Variants in DRP2 observed in about 807,000 individuals in gnomAD.
The protein encoded by DRP2 is dystrophin related protein 2.
In DRP2, 29 loss-of-function variants were observed where a neutral mutation model predicts 78.2. That is an observed-to-expected ratio of 0.37 (90% CI 0.28 to 0.51). DRP2 has a LOEUF of 0.51. Ranked by LOEUF, DRP2 falls within the 20% of genes least tolerant of loss-of-function variation. The pLI is 0.94. For missense variants in DRP2, 686 were observed against 770.6 expected (o/e 0.89, Z 1.30); for synonymous variants, 290 against 281.9 (o/e 1.03, Z -0.29).
chrX:101,255,338 TG>T (rs777201020), intron 20 of DRP2, 89 bp downstream of exon 20: 8 of 931,039 alleles, frequency 8.6e-6, no homozygotes, highest in East Asian at 3.1e-5. Flanking sequence ...CTCCAGGGAA[TG>T]GGGGTGTGTG....
chrX:101,247,022 A>C, intron 11 of DRP2, 68 bp from the exon 12 acceptor site: 1 of 1,034,571 alleles, frequency 9.7e-7, no homozygotes, highest in Non-Finnish European at 1.3e-6. Context: ...TGGGTGTAAA[A>C]TGGTATCTTG....
Position 101,255,258 on chromosome X carries a change from C to T in DRP2, c.2246+9C>T. ...TCCCCAGATGACAGCATGTGAGTTT[C>T]CACAGCTGCTTATTTGCCAGAAATA... On this transcript the variant is annotated intron_variant, in intron 20 of 23. Transcript: ENST00000395209. 2 of 1,206,831 alleles carry T rather than the reference C, an allele frequency of 1.7e-6. No individual in the cohort carries two copies. Among genetic ancestry groups the T allele is most frequent in the Non-Finnish European group, 1.1e-6 (1 of 891,483 alleles).
chrX:101,260,469 C>T, intron 23 of DRP2, 28 bp from the exon 24 acceptor site: 1 of 1,199,856 alleles, frequency 8.3e-7, no homozygotes, highest in Non-Finnish European at 1.1e-6. Context: ...CTCTAGTTCT[C>T]TTCTCAAATC....
At position 101,256,138 on chromosome X, in the gene DRP2, T is replaced by C; in HGVS notation, c.2267T>C (p.Leu756Pro). 8.3e-7 allele frequency: 1 copy of C among 1,199,413 alleles called. No individual in the cohort carries two copies. Among genetic ancestry groups the C allele is most frequent in the Non-Finnish European group, 1.1e-6 (1 of 890,239 alleles). ...DDSIDEDQYL[L>P]RHSSPITDRE... ...TGCAGAGACGAGGACCAGTACCTGCTGCGGCACTCCAGCCCCATCACAGAC... is the reference window on the plus strand; with the variant it reads ...TGCAGAGACGAGGACCAGTACCTGCCGCGGCACTCCAGCCCCATCACAGAC... Residue 756 changes from leucine (L) to proline (P), a missense_variant, in exon 21 of 24, where the codon CTG becomes CCG. Coordinates refer to ENST00000395209, the MANE Select transcript of DRP2 (RefSeq NM_001939.3).
chrX:101,258,214 G>T, intron 21 of DRP2, 95 bp from the exon 22 acceptor site: 1 of 755,863 alleles, frequency 1.3e-6, no homozygotes, highest in Non-Finnish European at 1.9e-6. Context: ...GAAGAGCACA[G>T]GGATTGTTCA....
intron 6 of DRP2, among the ~76,000 whole-genome samples, chrX:101,240,170 G>A (rs774650223): frequency 3.8e-4 from 43 of 112,815 alleles, no homozygotes; most frequent in African/African-American, 1.4e-3. Flanking sequence ...TAAAAAGTTA[G>A]GTGATGATTG....
rs1362757764 is a variant in DRP2 at position 101,245,464 on chromosome X, T to A, written c.1177+15T>A. On this transcript the variant is annotated intron_variant, in intron 11 of 23. Coordinates refer to ENST00000395209, the MANE Select transcript of DRP2 (RefSeq NM_001939.3). ...CCAAACCCTAGGTAAGAATGTGGGC[T>A]TCCTGTATAGGGTGGGCATATACAC... The A allele has an allele frequency of 8.4e-7, 1 of 1,183,989 alleles. No individual in the cohort carries two copies. Among genetic ancestry groups the A allele is most frequent in the Non-Finnish European group, 1.1e-6 (1 of 877,855 alleles).
At chrX:101,246,190 C>T (rs867976504) in intron 11 of DRP2, among the ~76,000 whole-genome samples, 3 of 112,320 alleles carry the variant, frequency 2.7e-5, no homozygotes, top group Middle Eastern at 4.6e-3. Flanking sequence ...CCTTTATCCT[C>T]GCACCTTTCT....
At chrX:101,259,686 C>T (rs939442296) in intron 22 of DRP2, among the ~76,000 whole-genome samples, 3 of 110,918 alleles carry the variant, frequency 2.7e-5, no homozygotes, top group Middle Eastern at 4.6e-3. Flanking sequence ...TTAGTGGAGA[C>T]GGGGTTTCTC....
rs1455164353 is a variant in DRP2 at position 101,261,234 on chromosome X, T to C, written c.*613T>C. On this transcript the variant is annotated 3_prime_UTR_variant, in exon 24 of 24. Transcript: ENST00000395209. ...TTTCTCCTCAAATATCTTCATTTTC[T>C]TTAGCCTCAGTCCCTGACAGACCTT... The C allele has an allele frequency of 8.9e-6, 1 of 112,234 alleles. No homozygotes were observed. The highest frequency in any genetic ancestry group is 1.9e-5 in the Non-Finnish European group (1 of 53,275). The allele number at this position is 112,234 out of a possible 1,213,427, so 9.2% of individuals were successfully genotyped here.
intron 1 of DRP2, among the ~76,000 whole-genome samples, chrX:101,223,039 C>T (rs1921948610): frequency 8.9e-6 from 1 of 111,773 alleles, no homozygotes. Flanking sequence ...CGCCAAGAGA[C>T]GAGATCTTGC....
rs762654516 is a variant in DRP2, at chrX:101,245,400, G to A, written c.1128G>A (p.Gln376=). The part of the protein sequence containing the change: ...KVPYYINHQA[Q]TTCWDHPKMT... ...CTATTGTTTGTAGCCACCAGGCTCAGACCACATGCTGGGACCATCCCAAGA... is the reference window on the plus strand; with the variant it reads ...CTATTGTTTGTAGCCACCAGGCTCAAACCACATGCTGGGACCATCCCAAGA... The change falls in exon 11 of 24, where the codon CAG becomes CAA. Residue 376 remains glutamine, a synonymous_variant. Transcript: ENST00000395209. 10 of 1,205,465 alleles carry A rather than the reference G, an allele frequency of 8.3e-6. No homozygotes were observed. The Admixed American group carries it at 2.2e-4, about 27-fold the overall frequency.
chrX:101,228,635 G>A (rs895416750), intron 2 of DRP2, among the ~76,000 whole-genome samples: 2 of 111,649 alleles, frequency 1.8e-5, no homozygotes, highest in African/African-American at 3.3e-5. Context: ...TAGGCTGGGC[G>A]TGGTGGCTCA....
At chrX:101,255,400 G>A (rs777438806) in intron 20 of DRP2, 151 bp downstream of exon 20, 9 of 532,172 alleles carry the variant, frequency 1.7e-5, no homozygotes, top group African/African-American at 4.6e-5. Flanking sequence ...TTCTGGGCAC[G>A]GTGTTCAGTA....
intron 6 of DRP2, 121 bp downstream of exon 6, chrX:101,239,222 C>A: frequency 1.1e-6 from 1 of 930,742 alleles, no homozygotes; most frequent in Non-Finnish European, 1.4e-6. Context: ...GATAGTTTCC[C>A]CCAGGAGTCC....
At chrX:101,232,747 C>T (rs1174605492) in intron 3 of DRP2, among the ~76,000 whole-genome samples, 2 of 112,157 alleles carry the variant, frequency 1.8e-5, no homozygotes, top group Non-Finnish European at 3.8e-5. Context: ...AACATAGACT[C>T]CCCCATTAAC....
intron 6 of DRP2, among the ~76,000 whole-genome samples, chrX:101,241,386 A>C (rs1430107698): frequency 8.9e-6 from 1 of 111,859 alleles, no homozygotes; most frequent in Non-Finnish European, 1.9e-5. Flanking sequence ...CATTTGGGGA[A>C]ACTGGGTAAA....
chrX:101,238,152 A>G (rs1279682921), intron 5 of DRP2, among the ~76,000 whole-genome samples: 1 of 112,146 alleles, frequency 8.9e-6, no homozygotes, highest in Non-Finnish European at 1.9e-5. Flanking sequence ...GAACTATATC[A>G]AAATGTTAAC....
intron 2 of DRP2, among the ~76,000 whole-genome samples, chrX:101,229,235 A>G (rs762396250): frequency 8.9e-6 from 1 of 112,468 alleles, no homozygotes; most frequent in African/African-American, 3.2e-5. Flanking sequence ...AGCCTCTTGT[A>G]GCCTTTATGC....
Sources: gnomAD v4.1 joint callset for allele counts (sites outside exome capture counted in the v4.1 genomes callset) on GRCh38, gnomAD v4.1.1 for gene constraint, MANE v1.5 for transcripts, NCBI Gene and HGNC (gene_info 2026-07-23, HGNC 2026-07-21) for gene names.